The following TXNRD2 variants were observed in gnomAD, a reference collection of about 807,000 sequenced individuals.
TXNRD2 encodes the protein thioredoxin reductase 2.
A neutral mutation model predicts 70.8 loss-of-function variants in TXNRD2; 67 were observed. The ratio of observed to expected loss-of-function variants is 0.95; its 90% CI spans 0.78 to 1.16. The LOEUF (loss-of-function observed/expected upper bound fraction) is 1.16. TXNRD2 is among the 50% of genes most tolerant of loss of function. The pLI is 0.00. For synonymous variants in TXNRD2, 301 were observed against 295.8 expected (o/e 1.02, Z -0.18); for missense variants, 644 against 719.9 (o/e 0.89, Z 1.21).
intron 2 of TXNRD2, among the ~76,000 whole-genome samples, chr22:19,920,999 C>T (rs188180275): frequency 1.3e-5 from 2 of 151,002 alleles, no homozygotes; most frequent in African/African-American, 4.9e-5. Context: ...CCCAGTTACT[C>T]GGGAGGCTGA....
rs534489318 is a variant in TXNRD2, at chr22:19,904,166, C to T, written c.663-5098G>A. Among the ~76,000 whole-genome samples, 10 of 152,270 alleles carry T rather than the reference C, an allele frequency of 6.6e-5. No homozygotes were observed. The South Asian group carries it at 1.2e-3, about 19-fold the overall frequency. On this transcript the variant is annotated intron_variant, in intron 8 of 17. Coordinates refer to ENST00000400521, the MANE Select transcript of TXNRD2 (RefSeq NM_006440.5). ...GGAGTGGGGCAGCCAGAACGTCCCC[C>T]GCCCCACCCCAGTGCACTCAAGGGT...
At chr22:19,918,561 C>T (rs1489957497) in intron 4 of TXNRD2, among the ~76,000 whole-genome samples, 3 of 152,026 alleles carry the variant, frequency 2.0e-5, no homozygotes, top group South Asian at 2.1e-4. Context: ...TCAGCTGAAG[C>T]GGCCTCCCAC....
chr22:19,889,214 T>C (rs978006461), intron 11 of TXNRD2, among the ~76,000 whole-genome samples: 29 of 152,184 alleles, frequency 1.9e-4, no homozygotes, highest in African/African-American at 6.5e-4. Context: ...TTATGATGTG[T>C]AAGACCCCAC....
intron 11 of TXNRD2, chr22:19,895,099 T>C: frequency 6.3e-7 from 1 of 1,598,102 alleles, no homozygotes. Flanking sequence ...ATTGCCTAGT[T>C]GATCCTCGAT....
intron 7 of TXNRD2, 21 bp downstream of exon 7, chr22:19,915,193 C>T (rs1376631553): frequency 6.2e-7 from 1 of 1,612,616 alleles, no homozygotes; most frequent in Non-Finnish European, 8.5e-7. Flanking sequence ...AGCAGGGACG[C>T]TATGCTCTGG....
rs925436902 is a variant in TXNRD2, at chr22:19,899,123, G to A, written c.663-55C>T. 1.0e-5 allele frequency: 16 copies of A among 1,604,138 alleles called. No individual in the cohort carries two copies. The African/African-American group carries it at 2.0e-4, about 20-fold the overall frequency. On this transcript the variant is annotated intron_variant, in intron 8 of 17. Transcript: ENST00000400521. ...TAAAGCTGAGGCCCTTATTGACCAA[G>A]TGCAGTCAGAGCAGAACCCCGCAGC...
intron 1 of TXNRD2, among the ~76,000 whole-genome samples, 188 bp from the exon 2 acceptor site, chr22:19,931,286 G>A (rs2146090957): frequency 6.6e-6 from 1 of 152,356 alleles, no homozygotes; most frequent in South Asian, 2.1e-4. Context: ...ATATGGTGGT[G>A]AGGTTGGCCG....
chr22:19,877,019 G>T, intron 17 of TXNRD2, 21 bp downstream of exon 17: 2 of 1,493,776 alleles, frequency 1.3e-6, no homozygotes, highest in South Asian at 1.3e-5. Flanking sequence ...TCCTCAAACA[G>T]AGCCAGCCCC....
chr22:19,916,267 G>C, intron 5 of TXNRD2: 1 of 229,646 alleles, frequency 4.4e-6, no homozygotes, highest in Non-Finnish European at 8.7e-6. Flanking sequence ...GAACGGGCAT[G>C]ACAAGGCTGG....
At chr22:19,921,097 ACT>A (rs751702829) in intron 2 of TXNRD2, among the ~76,000 whole-genome samples, 4 of 119,616 alleles carry the variant, frequency 3.3e-5, no homozygotes, top group Non-Finnish European at 6.4e-5. Flanking sequence ...ACAGAGCGAG[ACT>A]CTGTCTCAAA....
chr22:19,907,573 CCGTGGGTAGCAGTGACCGCTCTCAGGAG>C (rs2146006429), intron 8 of TXNRD2, among the ~76,000 whole-genome samples: 1 of 38,758 alleles, frequency 2.6e-5, no homozygotes, highest in South Asian at 1.0e-3. Flanking sequence ...AGTGTGGGCG[CCGTGGGTAGCAGTGACCGCTCTCAGGAG>C]TGTGGGCGCC....
chr22:19,899,067 A>G lies in TXNRD2; in HGVS notation c.664T>C (p.Leu222=), dbSNP rs978297157. 1.2e-6 allele frequency: 2 copies of G among 1,607,116 alleles called. No individual in the cohort carries two copies. The highest frequency in any genetic ancestry group is 2.7e-5 in the African/African-American group (2 of 74,886). ...AGGATACAGCTGGCCCCGACCACCAACCTGTTAGAGAAACAGAGAGAGAGC... is the reference window on the plus strand; with the variant it reads ...AGGATACAGCTGGCCCCGACCACCAGCCTGTTAGAGAAACAGAGAGAGAGC... ...FWLKESPGKT[L]VVGASYVALE... The change falls in exon 9 of 18, where the codon TTG becomes CTG. Residue 222 remains leucine (L), a splice_region_variant and synonymous_variant. Coordinates refer to ENST00000400521, the MANE Select transcript of TXNRD2 (RefSeq NM_006440.5).
At chr22:19,895,613 C>T (rs767493983) in intron 10 of TXNRD2, 32 bp from the exon 11 acceptor site, 22 of 1,604,478 alleles carry the variant, frequency 1.4e-5, no homozygotes, top group Non-Finnish European at 1.6e-5. Flanking sequence ...GCCATGAAGA[C>T]CAGGTGGCCG....
chr22:19,913,858 G>A (rs998086725), intron 7 of TXNRD2, among the ~76,000 whole-genome samples: 13 of 152,290 alleles, frequency 8.5e-5, no homozygotes, highest in East Asian at 3.9e-4. Context: ...AGCAAAGACC[G>A]GGAGAGTTCT....
intron 1 of TXNRD2, among the ~76,000 whole-genome samples, chr22:19,933,873 C>G (rs1941451847): frequency 6.6e-6 from 1 of 152,232 alleles, no homozygotes; most frequent in Non-Finnish European, 1.5e-5. Flanking sequence ...ACCCTCTCCA[C>G]CTGCAGGGCT....
intron 11 of TXNRD2, chr22:19,891,533 C>T (rs1939262395): frequency 6.6e-6 from 1 of 152,328 alleles, no homozygotes; most frequent in South Asian, 2.1e-4. Flanking sequence ...CAAATCTAAA[C>T]TTAACTGCAC....
intron 1 of TXNRD2, among the ~76,000 whole-genome samples, chr22:19,940,861 C>A (rs1941687041): frequency 6.6e-6 from 1 of 152,204 alleles, no homozygotes; most frequent in African/African-American, 2.4e-5. Flanking sequence ...CCCCCAAAAC[C>A]TCCATAGCAC....
At position 19,915,823 on chromosome 22, in the gene TXNRD2, A is replaced by G; in HGVS notation, c.470T>C (p.Ile157Thr). ...LQDRKVKYFN[I>T]KASFVDEHTV... ...GTGCTCGTCAACAAAGCTGGCTTTG[A>G]TGTTAAAGTACTTGACTTTTCTGAA... The change falls in exon 6 of 18, where the codon ATC becomes ACC. Residue 157 changes from isoleucine (I) to threonine (T), a missense_variant. Physicochemically the swap from Ile to Thr is moderately conservative, Grantham distance 89. Transcript: ENST00000400521. 6.2e-7 allele frequency: 1 copy of G among 1,614,154 alleles called. No individual in the cohort carries two copies. Among genetic ancestry groups the G allele is most frequent in the South Asian group, 1.1e-5 (1 of 91,088 alleles).
chr22:19,888,576 G>A (rs1939129362), intron 11 of TXNRD2, among the ~76,000 whole-genome samples: 1 of 152,270 alleles, frequency 6.6e-6, no homozygotes, highest in Non-Finnish European at 1.5e-5. Context: ...GTACAGCAGG[G>A]TGAGCCAGTG....
Sources: allele counts gnomAD v4.1 joint callset (sites outside exome capture counted in the v4.1 genomes callset), GRCh38; gene constraint gnomAD v4.1.1; transcripts MANE v1.5; gene names NCBI Gene and HGNC (gene_info 2026-07-23, HGNC 2026-07-21).